GPD2: variants seen among roughly 807,000 people sequenced by gnomAD.
The protein encoded by GPD2 is glycerol-3-phosphate dehydrogenase 2.
A neutral mutation model predicts 82.4 loss-of-function variants in GPD2; 54 were observed. The observed-to-expected ratio is 0.66, with a 90% CI of 0.53 to 0.82. The LOEUF is 0.82. Among genes scored for constraint, GPD2 ranks in the 40% least tolerant of loss-of-function variants. The pLI is 0.00. For missense variants in GPD2, 748 were observed against 896.2 expected (o/e 0.83, Z 2.11); for synonymous variants, 288 against 306.1 (o/e 0.94, Z 0.62).
chr2:156,528,961 G>A (rs2105301566), intron 6 of GPD2, among the ~76,000 whole-genome samples: 1 of 152,044 alleles, frequency 6.6e-6, no homozygotes, highest in South Asian at 2.1e-4. Context: ...CCAGTAATGG[G>A]ATGGCTGGGA....
intron 6 of GPD2, among the ~76,000 whole-genome samples, chr2:156,517,279 A>G (rs1046266604): frequency 2.0e-5 from 3 of 152,156 alleles, no homozygotes; most frequent in Admixed American, 2.0e-4. Context: ...TTGATGTAGT[A>G]ATTATAGTTA....
chr2:156,507,204 G>A (rs1573941710), intron 3 of GPD2, among the ~76,000 whole-genome samples: 1 of 151,920 alleles, frequency 6.6e-6, no homozygotes, highest in Non-Finnish European at 1.5e-5. Flanking sequence ...TAGAGATGGG[G>A]TTTTGCCAGG....
intron 6 of GPD2, among the ~76,000 whole-genome samples, 153 bp from the exon 7 acceptor site, chr2:156,549,455 A>G (rs550177317): frequency 9.8e-5 from 15 of 152,316 alleles, no homozygotes; most frequent in African/African-American, 3.6e-4. Context: ...ATGACCGTGT[A>G]TTTTAAATTG....
intron 13 of GPD2, 46 bp from the exon 14 acceptor site, chr2:156,578,843 C>G (rs756870260): frequency 9.0e-7 from 1 of 1,107,776 alleles, no homozygotes; most frequent in Non-Finnish European, 1.4e-6. Context: ...GGAAAAAAAT[C>G]AATATTTCCA....
At chr2:156,436,035 C>A (rs938731088), upstream of GPD2, among the ~76,000 whole-genome samples, 5 of 152,192 alleles carry the variant, frequency 3.3e-5, no homozygotes, top group Admixed American at 3.3e-4. Flanking sequence ...GGGGCGAGGG[C>A]CCTTGCGTGT....
chr2:156,563,056 C>T (rs1363342173), intron 9 of GPD2, among the ~76,000 whole-genome samples: 1 of 151,966 alleles, frequency 6.6e-6, no homozygotes, highest in Non-Finnish European at 1.5e-5. Flanking sequence ...TTAAAGCATT[C>T]ATGTAATTTG....
chr2:156,526,781 A>G (rs904204601), intron 6 of GPD2, among the ~76,000 whole-genome samples: 2 of 152,142 alleles, frequency 1.3e-5, no homozygotes, highest in Non-Finnish European at 2.9e-5. Flanking sequence ...TATAGGTCAC[A>G]TTTGGAAACA....
chr2:156,573,340 G>T (rs1381125201), intron 13 of GPD2, among the ~76,000 whole-genome samples: 1 of 152,146 alleles, frequency 6.6e-6, no homozygotes, highest in African/African-American at 2.4e-5. Flanking sequence ...ATCCTGTCTT[G>T]CTGTGTCTGC....
the GPD2 span, among the ~76,000 whole-genome samples, chr2:156,428,012 A>T: frequency 6.6e-6 from 1 of 152,162 alleles, no homozygotes; most frequent in Non-Finnish European, 1.5e-5. Flanking sequence ...GTATGATTGC[A>T]TTTAGGGCCC....
intron 2 of GPD2, among the ~76,000 whole-genome samples, chr2:156,478,266 A>T (rs1311640943): frequency 6.6e-6 from 1 of 152,164 alleles, no homozygotes; most frequent in African/African-American, 2.4e-5. Context: ...CCTGAGTTAG[A>T]CATCCTGACC....
At chr2:156,455,259 T>C (rs1466414218) in intron 1 of GPD2, among the ~76,000 whole-genome samples, 1 of 152,250 alleles carries the variant, frequency 6.6e-6, no homozygotes. Context: ...CTGTCAAGAC[T>C]GCTCTGGAAA....
chr2:156,459,603 G>A lies in GPD2; in HGVS notation c.-8-16495G>A, dbSNP rs533736322. ...TTTGGGAGCCTGATGCAGGAGAATC[G>A]CTTGAACCAGGGAGTCAGAGGTTGC... On this transcript the variant is annotated intron_variant, in intron 1 of 16. Coordinates refer to ENST00000438166, the MANE Select transcript of GPD2 (RefSeq NM_000408.5). Among the ~76,000 whole-genome samples, 9 of 142,578 alleles carry A rather than the reference G, an allele frequency of 6.3e-5. No homozygotes were observed. In the East Asian group the frequency reaches 1.3e-3, roughly 20 times the overall value. The allele number at this position is 142,578 out of a possible 152,430, so 93.5% of individuals were successfully genotyped here. A position where few individuals can be genotyped will look rare whatever the true frequency, so the allele number is the denominator to read the frequency against.
At chr2:156,504,816 T>C (rs1481290150) in intron 3 of GPD2, among the ~76,000 whole-genome samples, 1 of 152,080 alleles carries the variant, frequency 6.6e-6, no homozygotes, top group African/African-American at 2.4e-5. Flanking sequence ...TGAAAAAAAT[T>C]AAATCAAATA....
At chr2:156,440,118 G>T (rs1203169945) in intron 1 of GPD2, among the ~76,000 whole-genome samples, 1 of 152,164 alleles carries the variant, frequency 6.6e-6, no homozygotes, top group African/African-American at 2.4e-5. Context: ...CATGTCTTAA[G>T]ACTTTTGAGA....
intron 1 of GPD2, among the ~76,000 whole-genome samples, chr2:156,460,048 A>G (rs1057142689): frequency 2.0e-5 from 3 of 152,344 alleles, no homozygotes; most frequent in Non-Finnish European, 1.5e-5. Context: ...GCTTCATGGT[A>G]GGAACAGAGG....
At chr2:156,439,540 CAAA>C (rs869250333) in intron 1 of GPD2, among the ~76,000 whole-genome samples, 2 of 71,284 alleles carry the variant, frequency 2.8e-5, no homozygotes, top group Non-Finnish European at 5.3e-5. Context: ...AAAAAAAAAA[CAAA>C]AAAAAAAAAA....
intron 13 of GPD2, among the ~76,000 whole-genome samples, chr2:156,571,594 A>G (rs1687643120): frequency 6.6e-6 from 1 of 152,174 alleles, no homozygotes; most frequent in Non-Finnish European, 1.5e-5. Flanking sequence ...ACACTCTTGG[A>G]ACATAATCAG....
chr2:156,540,341 G>A (rs909956336), intron 6 of GPD2, among the ~76,000 whole-genome samples: 6 of 152,196 alleles, frequency 3.9e-5, no homozygotes, highest in African/African-American at 1.4e-4. Flanking sequence ...ATCGAAGACT[G>A]TTGAGAGCGT....
chr2:156,540,210 G>A (rs1278479623), intron 6 of GPD2, among the ~76,000 whole-genome samples: 1 of 152,172 alleles, frequency 6.6e-6, no homozygotes, highest in African/African-American at 2.4e-5. Context: ...TGCTCATCAC[G>A]TCACGTCTTG....
Sources: allele counts gnomAD v4.1 joint callset (sites outside exome capture counted in the v4.1 genomes callset), GRCh38; gene constraint gnomAD v4.1.1; transcripts MANE v1.5; gene names NCBI Gene and HGNC (gene_info 2026-07-23, HGNC 2026-07-21).